The following KCNN2 variants were observed in gnomAD, a reference collection of about 807,000 sequenced individuals.
The protein encoded by KCNN2 is small conductance calcium-activated potassium channel protein 2.
KCNN2 carries 24 observed loss-of-function variants against 55.5 expected under a neutral mutation model. The ratio of observed to expected loss-of-function variants is 0.43; its 90% CI spans 0.31 to 0.61. KCNN2 has a LOEUF of 0.61. Among genes scored for constraint, KCNN2 ranks in the 20% least tolerant of loss-of-function variants. The pLI is 0.08. For synonymous variants in KCNN2, 431 were observed against 336.1 expected (o/e 1.28, Z -3.09); for missense variants, 754 against 853.6 (o/e 0.88, Z 1.45).
intron 1 of KCNN2, among the ~76,000 whole-genome samples, chr5:114,074,338 G>GCA (rs1750643046): frequency 6.6e-6 from 1 of 151,798 alleles, no homozygotes; most frequent in Non-Finnish European, 1.5e-5. Flanking sequence ...GTGCGCGCGC[G>GCA]CGCCAGAGAG....
At chr5:114,143,554 A>G (rs1286130921) in intron 1 of KCNN2, among the ~76,000 whole-genome samples, 1 of 152,146 alleles carries the variant, frequency 6.6e-6, no homozygotes, top group African/African-American at 2.4e-5. Flanking sequence ...TCGTGCGTCC[A>G]TTTATAGGCT....
rs114627454 is a variant in KCNN2 at position 114,082,140 on chromosome 5, A to G, written c.-271+25640A>G. Among the ~76,000 whole-genome samples the G allele has an allele frequency of 2.7e-3, 411 of 152,084 alleles. 2 individuals carry two copies. Among genetic ancestry groups the G allele is most frequent in the African/African-American group, 9.6e-3 (398 of 41,484 alleles). ...AAGGCGGGAGGATCACTTCAGCCCA[A>G]GAGTTTGATACCAATCCTAGCATCA... On this transcript the variant is annotated intron_variant, in intron 1 of 10. Transcript: ENST00000512097.
chr5:114,445,861 G>A (rs1760384922), intron 3 of KCNN2, among the ~76,000 whole-genome samples: 1 of 152,156 alleles, frequency 6.6e-6, no homozygotes, highest in South Asian at 2.1e-4. Flanking sequence ...CATCCCAAAA[G>A]CATCTACCCT....
intron 2 of KCNN2, among the ~76,000 whole-genome samples, chr5:114,371,684 A>C (rs1757763116): frequency 6.6e-6 from 1 of 152,176 alleles, no homozygotes; most frequent in Non-Finnish European, 1.5e-5. Flanking sequence ...AAACATTTTA[A>C]CATTAGATCC....
chr5:114,344,670 G>A (rs190732799), intron 2 of KCNN2, among the ~76,000 whole-genome samples: 55 of 152,286 alleles, frequency 3.6e-4, no homozygotes, highest in Admixed American at 2.2e-3. Context: ...ATGGTCTGAG[G>A]AGTCCATCAT....
chr5:114,076,882 A>G (rs950137848), intron 1 of KCNN2, among the ~76,000 whole-genome samples: 4 of 151,942 alleles, frequency 2.6e-5, no homozygotes, highest in African/African-American at 9.7e-5. Flanking sequence ...TTTAGTAGAG[A>G]CGGGGTTTCA....
At chr5:114,391,935 A>C (rs1263869948) in intron 2 of KCNN2, among the ~76,000 whole-genome samples, 2 of 152,042 alleles carry the variant, frequency 1.3e-5, no homozygotes, top group African/African-American at 2.4e-5. Context: ...TATCACCTCT[A>C]TTTAGGGCTG....
chr5:114,098,454 T>C lies in KCNN2; in HGVS notation c.-271+41954T>C, dbSNP rs543553869. The stretch of plus-strand genomic sequence containing the variant: ...ATTACTGCCTGAGTTCTGCCTCCTG[T>C]CAGATCAGTGGTAGTATTAGATTCT... On this transcript the variant is annotated intron_variant, in intron 1 of 10. Transcript: ENST00000512097. Among the ~76,000 whole-genome samples, 155 of 152,110 alleles carry C rather than the reference T, an allele frequency of 1.0e-3. 1 individual carries two copies. Among genetic ancestry groups the C allele is most frequent in the African/African-American group, 3.6e-3 (150 of 41,504 alleles).
chr5:114,257,530 C>T (rs1344468910), intron 2 of KCNN2, among the ~76,000 whole-genome samples: 2 of 151,928 alleles, frequency 1.3e-5, no homozygotes, highest in African/African-American at 4.8e-5. Context: ...ATATGTCTTT[C>T]CTCAGTGTTT....
chr5:114,098,850 A>G (rs1226254652), intron 1 of KCNN2, among the ~76,000 whole-genome samples: 1 of 152,064 alleles, frequency 6.6e-6, no homozygotes. Context: ...GGTTACATAC[A>G]TAGTTTCCAC....
Position 114,476,435 on chromosome 5 carries a change from A to AT in KCNN2, c.1890+3286dup, listed in dbSNP as rs140291470. ...CTCTAGTAGGCTTGCTGACAGATCC[A>AT]TTTTTTTTTTTTTTTGGAGATGGAG... On this transcript the variant is annotated intron_variant, in intron 5 of 7. Transcript: ENST00000673685. Among the ~76,000 whole-genome samples the AT allele has an allele frequency of 8.5e-3, 1,194 of 139,984 alleles. 5 individuals are homozygous for AT. The highest frequency in any genetic ancestry group is 0.023 in the Middle Eastern group (6 of 262). The allele number at this position is 139,984 out of a possible 152,430, so 91.8% of individuals were successfully genotyped here.
chr5:114,350,610 C>G (rs1460320436), intron 2 of KCNN2, among the ~76,000 whole-genome samples: 1 of 151,834 alleles, frequency 6.6e-6, no homozygotes, highest in Non-Finnish European at 1.5e-5. Flanking sequence ...GGTCTTTGAT[C>G]TATTTTGAGT....
chr5:114,073,437 G>A (rs1246500704), intron 1 of KCNN2, among the ~76,000 whole-genome samples: 4 of 152,074 alleles, frequency 2.6e-5, no homozygotes, highest in Admixed American at 2.6e-4. Flanking sequence ...CTTTATTGAT[G>A]GCTCCTTGTT....
At chr5:114,421,314 A>G (rs1759464474) in intron 3 of KCNN2, among the ~76,000 whole-genome samples, 1 of 151,898 alleles carries the variant, frequency 6.6e-6, no homozygotes, top group Non-Finnish European at 1.5e-5. Flanking sequence ...TTTTTGAGAC[A>G]GAGTCTCGCT....
At chr5:114,455,838 G>A (rs1760900163) in intron 3 of KCNN2, among the ~76,000 whole-genome samples, 1 of 152,214 alleles carries the variant, frequency 6.6e-6, no homozygotes, top group Admixed American at 6.5e-5. Context: ...TCAAGCCAAA[G>A]CCTAATCCAT....
At chr5:114,295,496 T>G (rs1018693394) in intron 2 of KCNN2, among the ~76,000 whole-genome samples, 1 of 152,166 alleles carries the variant, frequency 6.6e-6, no homozygotes, top group Non-Finnish European at 1.5e-5. Context: ...CATGGGACCC[T>G]CCGAGCCATG....
chr5:114,109,853 G>C (rs1000859533), intron 1 of KCNN2, among the ~76,000 whole-genome samples: 2 of 152,064 alleles, frequency 1.3e-5, no homozygotes, highest in African/African-American at 4.8e-5. Context: ...TCCAGTTCCT[G>C]GGAGGGACTT....
intron 2 of KCNN2, among the ~76,000 whole-genome samples, chr5:114,258,394 G>T (rs1755027987): frequency 6.6e-6 from 1 of 152,100 alleles, no homozygotes; most frequent in South Asian, 2.1e-4. Context: ...TCCTCAATTT[G>T]GGGGAACGAT....
At chr5:114,329,717 A>T (rs1466137824) in intron 2 of KCNN2, among the ~76,000 whole-genome samples, 2 of 152,150 alleles carry the variant, frequency 1.3e-5, no homozygotes, top group Non-Finnish European at 2.9e-5. Flanking sequence ...TCTCCTTTAT[A>T]TATACATATA....
Sources: allele counts gnomAD v4.1 joint callset (sites outside exome capture counted in the v4.1 genomes callset), GRCh38; gene constraint gnomAD v4.1.1; transcripts MANE v1.5; gene names NCBI Gene and HGNC (gene_info 2026-07-23, HGNC 2026-07-21).